DNA2: variants seen among roughly 807,000 people sequenced by gnomAD.
The protein encoded by DNA2 is DNA replication ATP-dependent helicase/nuclease DNA2.
A neutral mutation model predicts 119.1 loss-of-function variants in DNA2; 101 were observed. The ratio of observed to expected loss-of-function variants is 0.85; its 90% confidence interval spans 0.72 to 1.00. The LOEUF (loss-of-function observed/expected upper bound fraction) is 1.00, where lower values mean the gene tolerates loss of function less well. Among genes scored for constraint, DNA2 ranks in the 50% least tolerant of loss-of-function variants. The pLI is 0.00. For synonymous variants in DNA2, 366 were observed against 424.4 expected (o/e 0.86, Z 1.69); for missense variants, 1,121 against 1,255.5 (o/e 0.89, Z 1.62).
intron 4 of DNA2, among the ~76,000 whole-genome samples, chr10:68,460,004 G>A (rs2052234103): frequency 6.8e-6 from 1 of 148,088 alleles, no homozygotes; most frequent in Non-Finnish European, 1.5e-5. Context: ...TCCAGCCTGG[G>A]CAAGAGAGCA....
intron 5 of DNA2, among the ~76,000 whole-genome samples, chr10:68,453,109 C>A (rs1419380677): frequency 6.6e-6 from 1 of 151,864 alleles, no homozygotes; most frequent in East Asian, 1.9e-4. Flanking sequence ...ACCATGTTGG[C>A]CAGGCTGTCT....
rs2051901004 is a variant in DNA2, at chr10:68,437,214, G to C, written c.1443C>G (p.Asn481Lys). 6.2e-7 allele frequency: 1 copy of C among 1,606,308 alleles called. No individual in the cohort carries two copies. Residue 481 changes from asparagine to lysine, a missense_variant, in exon 10 of 21, where the codon AAC becomes AAG. Asn to Lys is a moderately conservative substitution (Grantham distance 94, BLOSUM62 0). Coordinates refer to ENST00000358410, the MANE Select transcript of DNA2 (RefSeq NM_001080449.3). ...TCTTTACATGTTCCATTCTAATCAG[G>C]TTTCCAATGCAACTGCCACTCTTCT... is the stretch of plus-strand genomic sequence containing the variant. ...EMEKSGSCIG[N>K]LIRMEHVKIV...
At chr10:68,427,419 G>T (rs903645528) in intron 14 of DNA2, among the ~76,000 whole-genome samples, 2 of 151,770 alleles carry the variant, frequency 1.3e-5, no homozygotes, top group African/African-American at 4.8e-5. Flanking sequence ...CAACACTTTG[G>T]GAGGCAGACA....
intron 13 of DNA2, among the ~76,000 whole-genome samples, chr10:68,431,562 G>T (rs957946087): frequency 6.6e-6 from 1 of 152,208 alleles, no homozygotes; most frequent in African/African-American, 2.4e-5. Flanking sequence ...TGGGATTACA[G>T]GCGTAAGCCA....
chr10:68,416,000 A>G (rs1208662150), intron 20 of DNA2, among the ~76,000 whole-genome samples: 2 of 151,976 alleles, frequency 1.3e-5, no homozygotes, highest in East Asian at 3.9e-4. Context: ...GCAGTGGCTC[A>G]CCTCCTCTCT....
Position 68,422,750 on chromosome 10 carries a change from C to T in DNA2, c.2349G>A (p.Val783=), listed in dbSNP as rs1457637121. The T allele has an allele frequency of 1.2e-6, 2 of 1,611,362 alleles. No homozygotes were observed. The highest frequency in any genetic ancestry group is 2.2e-5 in the East Asian group (1 of 44,858). ...LGPLFFSRRF[V]LVGDHQQLPP... is the part of the protein sequence containing the mutation. ...GAAGCTGCTGATGGTCCCCCACTAA[C>T]ACAAATCTCCGTGAAAAAAAAAGGG... Residue 783 remains valine (V), a synonymous_variant, in exon 15 of 21, where the codon GTG becomes GTA. Coordinates refer to ENST00000358410, the MANE Select transcript of DNA2 (RefSeq NM_001080449.3).
chr10:68,422,211 A>C lies in DNA2; in HGVS notation c.2697+14T>G. On this transcript the variant is annotated intron_variant, in intron 17 of 20. Coordinates refer to ENST00000358410, the MANE Select transcript of DNA2 (RefSeq NM_001080449.3). ...ACAAAATGAGAAAAACTAAACAGAA[A>C]TTTTTTTTTTTACCTTGTCTGTATT... 1 of 1,248,688 alleles carries C rather than the reference A, an allele frequency of 8.0e-7. No individual in the cohort carries two copies. Among genetic ancestry groups the C allele is most frequent in the South Asian group, 1.6e-5 (1 of 62,976 alleles). The allele number at this position is 1,248,688 out of a possible 1,614,324, so 77.4% of individuals were successfully genotyped here.
intron 5 of DNA2, among the ~76,000 whole-genome samples, chr10:68,451,809 T>C (rs1199613119): frequency 2.0e-5 from 3 of 151,954 alleles, no homozygotes; most frequent in Admixed American, 2.0e-4. Flanking sequence ...CTGGCTGGTC[T>C]CAAATTCCTG....
chr10:68,420,704 T>A (rs868063791), intron 17 of DNA2, among the ~76,000 whole-genome samples: 8 of 150,756 alleles, frequency 5.3e-5, no homozygotes, highest in Admixed American at 2.0e-4. Context: ...TCTTGATTTT[T>A]TTTTTTTTTT....
intron 14 of DNA2, chr10:68,425,110 T>TC (rs2051720913): frequency 3.4e-6 from 1 of 295,650 alleles, no homozygotes; most frequent in South Asian, 3.3e-5. Context: ...TTTTTTTTTT[T>TC]TTGAGACAGA....
chr10:68,424,759 T>C lies in DNA2; in HGVS notation c.2209-1869A>G, dbSNP rs990782965. ...CAAGGACACTACAAAGGTCAGCAAA[T>C]TGGCAAGGTAGTCCAGGTGTACAGA... On this transcript the variant is annotated intron_variant, in intron 14 of 20. Coordinates refer to ENST00000358410, the MANE Select transcript of DNA2 (RefSeq NM_001080449.3). 6 of 1,453,180 alleles carry C rather than the reference T, an allele frequency of 4.1e-6. No homozygotes were observed. The African/African-American group carries it at 7.0e-5, about 17-fold the overall frequency. The allele number at this position is 1,453,180 out of a possible 1,614,324, so 90.0% of individuals were successfully genotyped here. A position where few individuals can be genotyped will look rare whatever the true frequency, so the allele number is the denominator to read the frequency against.
intron 10 of DNA2, among the ~76,000 whole-genome samples, chr10:68,435,973 C>T (rs1385454432): frequency 6.6e-6 from 1 of 152,122 alleles, no homozygotes; most frequent in Non-Finnish European, 1.5e-5. Context: ...AGATTATGTC[C>T]ACATCATCAC....
At chr10:68,459,822 T>C (rs527719993) in intron 4 of DNA2, among the ~76,000 whole-genome samples, 14 of 152,182 alleles carry the variant, frequency 9.2e-5, no homozygotes, top group Admixed American at 7.2e-4. Context: ...AGGTCAGCAG[T>C]TCGAGACAAG....
chr10:68,428,497 T>TA (rs1363023600), intron 14 of DNA2, among the ~76,000 whole-genome samples: 1 of 152,128 alleles, frequency 6.6e-6, no homozygotes, highest in African/African-American at 2.4e-5. Context: ...AATGAAGACT[T>TA]ATGTTACGCA....
intron 7 of DNA2, among the ~76,000 whole-genome samples, chr10:68,445,591 A>T (rs935913556): frequency 6.6e-6 from 1 of 152,142 alleles, no homozygotes; most frequent in Non-Finnish European, 1.5e-5. Context: ...CTATACTAGA[A>T]TAACAACATT....
chr10:68,471,770 C>G, intron 1 of DNA2, 21 bp downstream of exon 1: 1 of 1,580,098 alleles, frequency 6.3e-7, no homozygotes, highest in Non-Finnish European at 8.6e-7. Context: ...TGTTCCCACA[C>G]CCTCCCCCCT....
rs749098755 is a variant in DNA2, at chr10:68,430,670, G to T, written c.1984-10C>A. On this transcript the variant is annotated splice_polypyrimidine_tract_variant and intron_variant, in intron 13 of 20. Coordinates refer to ENST00000358410, the MANE Select transcript of DNA2 (RefSeq NM_001080449.3). Reference sequence around the variant, plus strand: ...CGTAGAGAATTCTTACCTAATAATGGGTAAGAGAAAAAAGAAAAAACAGCC... The same window carrying T: ...CGTAGAGAATTCTTACCTAATAATGTGTAAGAGAAAAAAGAAAAAACAGCC... 2 of 1,513,580 alleles carry T rather than the reference G, an allele frequency of 1.3e-6. No individual in the cohort carries two copies. The highest frequency in any genetic ancestry group is 8.8e-7 in the Non-Finnish European group (1 of 1,130,790). The allele number at this position is 1,513,580 out of a possible 1,614,324, so 93.8% of individuals were successfully genotyped here. A position where few individuals can be genotyped will look rare whatever the true frequency, so the allele number is the denominator to read the frequency against.
At chr10:68,442,394 T>C (rs984304826) in intron 9 of DNA2, among the ~76,000 whole-genome samples, 4 of 151,620 alleles carry the variant, frequency 2.6e-5, no homozygotes, top group Non-Finnish European at 5.9e-5. Flanking sequence ...AATTTTTTGT[T>C]TTTGTTTTTT....
chr10:68,471,995 A>G, upstream of DNA2: 1 of 1,611,130 alleles, frequency 6.2e-7, no homozygotes, highest in Non-Finnish European at 8.5e-7. Context: ...CAGATGTCCC[A>G]AATGACCTGC....
Sources: gnomAD v4.1 joint callset for allele counts (sites outside exome capture counted in the v4.1 genomes callset) on GRCh38, gnomAD v4.1.1 for gene constraint, MANE v1.5 for transcripts, NCBI Gene and HGNC (gene_info 2026-07-23, HGNC 2026-07-21) for gene names.